BCL2L13: variants seen among roughly 807,000 people sequenced by gnomAD.
BCL2L13 encodes bcl-2-like protein 13.
A neutral mutation model predicts 25.8 loss-of-function variants in BCL2L13; 13 were observed. The observed-to-expected ratio is 0.50, with a 90% CI of 0.33 to 0.80. BCL2L13 has a LOEUF of 0.80. Among genes scored for constraint, BCL2L13 ranks in the 30% least tolerant of loss-of-function variants. BCL2L13 has a pLI of 0.02. For synonymous variants in BCL2L13, 244 were observed against 230.3 expected, an observed-to-expected ratio of 1.06 and a Z score of -0.54; for missense variants, 504 against 574.9, an observed-to-expected ratio of 0.88 and a Z score of 1.26.
chr22:17,636,209 A>C (rs2058103419), upstream of BCL2L13, among the ~76,000 whole-genome samples: 1 of 151,766 alleles, frequency 6.6e-6, no homozygotes, highest in South Asian at 2.1e-4. Flanking sequence ...CTGTAGTCCC[A>C]GCTACTTTGG....
intron 1 of BCL2L13, among the ~76,000 whole-genome samples, chr22:17,648,856 G>A (rs1375559660): frequency 6.6e-6 from 1 of 152,148 alleles, no homozygotes; most frequent in Non-Finnish European, 1.5e-5. Context: ...TCTGGCTTTT[G>A]GGTTGGCAAA....
At chr22:17,631,700 ATATATATTTTTTTTTTTTTTTTTTT>A (rs2058030661) in intron 1 of BCL2L13, among the ~76,000 whole-genome samples, 1 of 21,212 alleles carries the variant, frequency 4.7e-5, no homozygotes, top group Non-Finnish European at 1.1e-4. Flanking sequence ...ATATATATAT[ATATATATTTTTTTTTTTTTTTTTTT>A]TTTTTTTTTT....
intron 1 of BCL2L13, among the ~76,000 whole-genome samples, chr22:17,645,677 G>A (rs887491732): frequency 6.6e-6 from 1 of 151,572 alleles, no homozygotes; most frequent in Non-Finnish European, 1.5e-5. Flanking sequence ...ACCATATATT[G>A]TAGAATTGTG....
At chr22:17,680,634 C>T (rs902966699) in intron 2 of BCL2L13, among the ~76,000 whole-genome samples, 1 of 146,722 alleles carries the variant, frequency 6.8e-6, no homozygotes, top group African/African-American at 2.5e-5. Context: ...GAGTGCATTG[C>T]GGTGTCTTAA....
At chr22:17,655,911 A>G (rs755965784) in intron 2 of BCL2L13, 79 bp downstream of exon 2, 401 of 1,363,578 alleles carry the variant, frequency 2.9e-4, no homozygotes, top group Non-Finnish European at 3.8e-4. Flanking sequence ...TCTAATTTAT[A>G]TGTGTGGTTA....
Position 17,716,245 on chromosome 22 carries a change from A to T in BCL2L13, c.601-10432A>T, listed in dbSNP as rs190647847. On this transcript the variant is annotated intron_variant, in intron 6 of 6. Coordinates refer to ENST00000317582, the MANE Select transcript of BCL2L13 (RefSeq NM_015367.4). Reference sequence around the variant, plus strand: ...CTGCTGGAGCCGGATCAGGGTCTTAAACTGGGGTCCATAGATGTGCTTCAG... The same window carrying T: ...CTGCTGGAGCCGGATCAGGGTCTTATACTGGGGTCCATAGATGTGCTTCAG... 1.2e-4 allele frequency among the ~76,000 whole-genome samples: 19 copies of T among 152,320 alleles called. No homozygotes were observed. In the East Asian group the frequency reaches 3.5e-3, roughly 28 times the overall value.
At chr22:17,679,675 A>G (rs1381210847) in intron 2 of BCL2L13, among the ~76,000 whole-genome samples, 6 of 152,040 alleles carry the variant, frequency 3.9e-5, no homozygotes, top group Admixed American at 2.6e-4. Context: ...TATTTTTGCA[A>G]TGTAGGGAGA....
At chr22:17,695,314 A>G (rs1183928570) in intron 4 of BCL2L13, among the ~76,000 whole-genome samples, 2 of 152,190 alleles carry the variant, frequency 1.3e-5, no homozygotes, top group Non-Finnish European at 2.9e-5. Context: ...AGTTAAATCT[A>G]GCATGGTAAC....
intron 6 of BCL2L13, among the ~76,000 whole-genome samples, chr22:17,715,461 C>T (rs1344250431): frequency 3.3e-5 from 5 of 151,230 alleles, no homozygotes; most frequent in Admixed American, 2.6e-4. Context: ...GGATTACAGG[C>T]GTCAGCCACT....
intron 6 of BCL2L13, among the ~76,000 whole-genome samples, chr22:17,721,479 A>T (rs1300500169): frequency 1.3e-5 from 2 of 149,648 alleles, no homozygotes; most frequent in Non-Finnish European, 3.0e-5. Context: ...ATTCTTTTAA[A>T]TAAATGGAAA....
At chr22:17,645,684 TG>T (rs2058449123) in intron 1 of BCL2L13, among the ~76,000 whole-genome samples, 1 of 151,610 alleles carries the variant, frequency 6.6e-6, no homozygotes, top group African/African-American at 2.4e-5. Flanking sequence ...ATTGTAGAAT[TG>T]TGGATATACA....
chr22:17,673,256 G>A (rs1012028083), intron 2 of BCL2L13, among the ~76,000 whole-genome samples: 5 of 151,938 alleles, frequency 3.3e-5, no homozygotes, highest in Non-Finnish European at 7.4e-5. Flanking sequence ...TATCTCCATC[G>A]TGACTCATCG....
intron 6 of BCL2L13, 44 bp downstream of exon 6, chr22:17,702,430 T>C (rs966488472): frequency 1.4e-6 from 2 of 1,467,784 alleles, no homozygotes; most frequent in Non-Finnish European, 1.8e-6. Flanking sequence ...GAAAAAAAAT[T>C]AGGTTTGTTG....
chr22:17,633,163 A>G (rs2058056872), intron 1 of BCL2L13, among the ~76,000 whole-genome samples: 1 of 152,222 alleles, frequency 6.6e-6, no homozygotes, highest in African/African-American at 2.4e-5. Flanking sequence ...AACATTTGTC[A>G]CATTTACTTC....
At chr22:17,643,722 G>C (rs2058370972) in intron 1 of BCL2L13, among the ~76,000 whole-genome samples, 1 of 151,788 alleles carries the variant, frequency 6.6e-6, no homozygotes, top group African/African-American at 2.4e-5. Flanking sequence ...CCGCCTCCTG[G>C]GTTCATGCCA....
chr22:17,655,829 C>T lies in BCL2L13; in HGVS notation c.118C>T (p.Gln40Ter). The change falls in exon 2 of 7, where the codon CAA becomes TAA. Residue 40 changes from glutamine to a stop codon, truncating the protein, a stop_gained. Coordinates refer to ENST00000317582, the MANE Select transcript of BCL2L13 (RefSeq NM_015367.4). LOFTEE classifies it high-confidence loss of function. ...KLQEQHLSSP[Q>*]GVQLDIASQS... is the part of the protein sequence containing the mutation. ...GCAAGAGCAACATCTTTCCTCACCC[C>T]AAGGTATTATCTTTGGCTTATGGTG... 7.4e-6 allele frequency: 12 copies of T among 1,611,968 alleles called. No individual in the cohort carries two copies. Among genetic ancestry groups the T allele is most frequent in the Non-Finnish European group, 1.0e-5 (12 of 1,179,086 alleles).
chr22:17,656,204 C>T (rs912209403), intron 2 of BCL2L13, among the ~76,000 whole-genome samples: 7 of 146,530 alleles, frequency 4.8e-5, no homozygotes, highest in African/African-American at 1.0e-4. Flanking sequence ...CGCACCACTG[C>T]GCTCCAGCTT....
At chr22:17,726,261 G>T (rs1218673330) in intron 6 of BCL2L13, among the ~76,000 whole-genome samples, 1 of 151,438 alleles carries the variant, frequency 6.6e-6, no homozygotes, top group Non-Finnish European at 1.5e-5. Flanking sequence ...CGAAGCAGGA[G>T]AATCGCTTGA....
At chr22:17,685,383 G>A (rs893558858) in intron 3 of BCL2L13, among the ~76,000 whole-genome samples, 12 of 151,126 alleles carry the variant, frequency 7.9e-5, no homozygotes, top group Middle Eastern at 3.5e-3. Context: ...CCACCACCAC[G>A]CCCAGCTAAT....
Sources: allele counts gnomAD v4.1 joint callset (sites outside exome capture counted in the v4.1 genomes callset), GRCh38; gene constraint gnomAD v4.1.1; transcripts MANE v1.5; gene names NCBI Gene and HGNC (gene_info 2026-07-23, HGNC 2026-07-21).